Variants in DAB1 observed in about 807,000 individuals in gnomAD.
DAB1 encodes the protein DAB adaptor protein 1.
In DAB1, 15 loss-of-function variants were observed where a neutral mutation model predicts 64.6. The ratio of observed to expected loss-of-function variants is 0.23; its 90% CI spans 0.16 to 0.36. The LOEUF is 0.36. Ranked by LOEUF, DAB1 falls within the 10% of genes least tolerant of loss-of-function variation. DAB1 has a pLI of 1.00. For synonymous variants in DAB1, 235 were observed against 251.9 expected, an observed-to-expected ratio of 0.93 and a Z score of 0.64; for missense variants, 596 against 706.7, an observed-to-expected ratio of 0.84 and a Z score of 1.78.
At chr1:58,113,188 T>C (rs1035841651) in intron 5 of DAB1, among the ~76,000 whole-genome samples, 3 of 152,024 alleles carry the variant, frequency 2.0e-5, no homozygotes, top group East Asian at 1.9e-4. Flanking sequence ...CTGGAAGACA[T>C]GATGCCCAGA....
At chr1:57,730,455 C>A (rs557762373) in intron 6 of DAB1, among the ~76,000 whole-genome samples, 25 of 152,142 alleles carry the variant, frequency 1.6e-4, no homozygotes, top group South Asian at 2.1e-4. Flanking sequence ...CTAGTCAGAG[C>A]GAAGAGGGCA....
chr1:58,543,786 A>G (rs924890410), intron 1 of DAB1, among the ~76,000 whole-genome samples: 1 of 152,242 alleles, frequency 6.6e-6, no homozygotes, highest in African/African-American at 2.4e-5. Flanking sequence ...AAACTTCTGT[A>G]TAACAGAGGT....
chr1:57,532,236 T>C (rs1394870026), intron 7 of DAB1, among the ~76,000 whole-genome samples: 1 of 115,458 alleles, frequency 8.7e-6, no homozygotes, highest in Non-Finnish European at 1.9e-5. Context: ...GTGATAATGG[T>C]GTGGGCGTGG....
At chr1:57,774,252 T>C (rs1649692584) in intron 6 of DAB1, among the ~76,000 whole-genome samples, 1 of 151,908 alleles carries the variant, frequency 6.6e-6, no homozygotes, top group Non-Finnish European at 1.5e-5. Flanking sequence ...GAAATTATTA[T>C]ACTGCTTCTT....
At chr1:58,329,061 A>G (rs1662912753) in intron 4 of DAB1, among the ~76,000 whole-genome samples, 1 of 152,154 alleles carries the variant, frequency 6.6e-6, no homozygotes, top group African/African-American at 2.4e-5. Context: ...TTAATCAGTG[A>G]CCAACTCCAG....
At chr1:57,832,619 C>T (rs1476449929) in intron 1 of DAB1, among the ~76,000 whole-genome samples, 1 of 152,206 alleles carries the variant, frequency 6.6e-6, no homozygotes, top group Non-Finnish European at 1.5e-5. Context: ...TGGTAAAAAT[C>T]AGGGCATGCT....
intron 6 of DAB1, among the ~76,000 whole-genome samples, chr1:57,663,872 A>G (rs952400194): frequency 6.6e-6 from 1 of 152,208 alleles, no homozygotes; most frequent in African/African-American, 2.4e-5. Flanking sequence ...ACTTGTGTTC[A>G]GTTCTCTAAA....
intron 5 of DAB1, among the ~76,000 whole-genome samples, chr1:57,939,062 A>T (rs1203991609): frequency 6.6e-6 from 1 of 152,060 alleles, no homozygotes; most frequent in Non-Finnish European, 1.5e-5. Flanking sequence ...AACAACAAAC[A>T]TTTATTTTTC....
At chr1:58,423,558 C>G (rs1422780332) in intron 3 of DAB1, among the ~76,000 whole-genome samples, 1 of 152,222 alleles carries the variant, frequency 6.6e-6, no homozygotes, top group Non-Finnish European at 1.5e-5. Flanking sequence ...AGAGCAGCAC[C>G]AGGGTTCCCT....
rs183154229 is a variant in DAB1 at position 57,359,293 on chromosome 1, A to T, written c.-137+64637T>A. ...CAAATTGTTAAAAGACTGAATAAAC[A>T]TCTCTCAAAAGAAGATACACAAATG... On this transcript the variant is annotated intron_variant, in intron 1 of 14. Coordinates refer to ENST00000371236, the MANE Select transcript of DAB1 (RefSeq NM_001365792.1). Among the ~76,000 whole-genome samples, 753 of 152,174 alleles carry T rather than the reference A, an allele frequency of 4.9e-3. 2 individuals carry two copies. Among genetic ancestry groups the T allele is most frequent in the Non-Finnish European group, 7.0e-3 (474 of 67,952 alleles).
chr1:57,760,322 C>G (rs1017243443), intron 6 of DAB1, among the ~76,000 whole-genome samples: 4 of 152,108 alleles, frequency 2.6e-5, no homozygotes, highest in Non-Finnish European at 5.9e-5. Flanking sequence ...TAGCTCAGTC[C>G]TAGGCATATA....
intron 3 of DAB1, among the ~76,000 whole-genome samples, chr1:57,140,193 G>T (rs555062235): frequency 4.6e-5 from 7 of 152,248 alleles, no homozygotes; most frequent in African/African-American, 1.4e-4. Flanking sequence ...CCTGACATTA[G>T]CCACCTGACC....
chr1:58,358,953 A>AACACACACACACACACACACACACAC (rs57077530), intron 3 of DAB1, among the ~76,000 whole-genome samples: 278 of 123,952 alleles, frequency 2.2e-3, no homozygotes, highest in African/African-American at 3.9e-3. Context: ...CTCTCTCTGT[A>AACACACACACACACACACACACACAC]ACACACACAC....
At chr1:57,676,584 G>C (rs998054796) in intron 6 of DAB1, among the ~76,000 whole-genome samples, 3 of 152,118 alleles carry the variant, frequency 2.0e-5, no homozygotes, top group Non-Finnish European at 4.4e-5. Flanking sequence ...AAAAGAAGAG[G>C]GCAGCACCAG....
At chr1:58,160,607 A>G (rs1257326793) in intron 4 of DAB1, among the ~76,000 whole-genome samples, 2 of 152,200 alleles carry the variant, frequency 1.3e-5, no homozygotes, top group Non-Finnish European at 1.5e-5. Flanking sequence ...CTCAAACTAC[A>G]TCACTGAAAA....
chr1:57,775,030 T>C (rs1649728987), intron 6 of DAB1, among the ~76,000 whole-genome samples: 2 of 151,752 alleles, frequency 1.3e-5, no homozygotes, highest in South Asian at 4.1e-4. Flanking sequence ...CCTATGCATC[T>C]AAGTTCTTGA....
intron 4 of DAB1, among the ~76,000 whole-genome samples, chr1:57,093,029 G>A (rs542572106): frequency 6.6e-6 from 1 of 152,066 alleles, no homozygotes; most frequent in Non-Finnish European, 1.5e-5. Flanking sequence ...GCAAGTACAG[G>A]GCCTGATAAG....
chr1:57,226,234 T>C (rs1407690041), intron 2 of DAB1, among the ~76,000 whole-genome samples: 1 of 152,222 alleles, frequency 6.6e-6, no homozygotes, highest in Non-Finnish European at 1.5e-5. Flanking sequence ...AGCAGAGACC[T>C]CTCCCCTGAA....
At chr1:57,804,158 CA>C (rs1304156360) in intron 6 of DAB1, among the ~76,000 whole-genome samples, 1 of 152,160 alleles carries the variant, frequency 6.6e-6, no homozygotes, top group East Asian at 1.9e-4. Context: ...TCCATTTCTA[CA>C]ATGGATCAAA....
Sources: allele counts gnomAD v4.1 joint callset (sites outside exome capture counted in the v4.1 genomes callset), GRCh38; gene constraint gnomAD v4.1.1; transcripts MANE v1.5; gene names NCBI Gene and HGNC (gene_info 2026-07-23, HGNC 2026-07-21).